Variants in GAREM1 observed in about 807,000 individuals in gnomAD.
GAREM1 encodes GRB2-associated and regulator of MAPK protein 1.
In GAREM1, 26 loss-of-function variants were observed where a neutral mutation model predicts 71.3. The ratio of observed to expected loss-of-function variants is 0.36; its 90% CI spans 0.27 to 0.51. GAREM1 has a LOEUF of 0.51. Ranked by LOEUF, GAREM1 falls within the 20% of genes least tolerant of loss-of-function variation. The pLI is 0.95. For missense variants in GAREM1, 1,026 were observed against 1,103.1 expected (o/e 0.93, Z 0.99); for synonymous variants, 440 against 433.2 (o/e 1.02, Z -0.20).
chr18:32,413,358 A>C lies in GAREM1; in HGVS notation c.122-20323T>G, dbSNP rs1336802577. ...CACATAAAACTTGAAAGAAACAAAG[A>C]CTCATACAAATGTCAATGCTGAAAA... On this transcript the variant is annotated intron_variant, in intron 1 of 5. Coordinates refer to ENST00000269209, the MANE Select transcript of GAREM1 (RefSeq NM_001242409.2). 8.9e-6 allele frequency: 6 copies of C among 677,418 alleles called. No individual in the cohort carries two copies. The East Asian group carries it at 1.1e-4, about 12-fold the overall frequency. The allele number at this position is 677,418 out of a possible 1,614,324, so 42.0% of individuals were successfully genotyped here. A position where few individuals can be genotyped will look rare whatever the true frequency, so the allele number is the denominator to read the frequency against.
At position 32,470,445 on chromosome 18, in the gene GAREM1, T is replaced by C. The variant is rs376317826; in HGVS notation, c.-17A>G. 2.2e-6 allele frequency: 3 copies of C among 1,357,482 alleles called. No homozygotes were observed. Among genetic ancestry groups the C allele is most frequent in the Admixed American group, 2.7e-5 (1 of 37,062 alleles). 84.1% of individuals were successfully genotyped at this position (1,357,482 alleles called of 1,614,324 possible). A position where few individuals can be genotyped will look rare whatever the true frequency, so the allele number is the denominator to read the frequency against. Reference sequence around the variant, plus strand: ...CGGGTCCATCTTCCCCGAAGCCTCCTGTCCCGCGCTCCCCCGCCGCCGCCA... The same window carrying C: ...CGGGTCCATCTTCCCCGAAGCCTCCCGTCCCGCGCTCCCCCGCCGCCGCCA... On this transcript the variant is annotated 5_prime_UTR_variant, in exon 1 of 6. Coordinates refer to ENST00000269209, the MANE Select transcript of GAREM1 (RefSeq NM_001242409.2). The surrounding 1 kb of genome is among the most constrained non-coding windows in gnomAD (Gnocchi z 4.4).
intron 1 of GAREM1, among the ~76,000 whole-genome samples, chr18:32,452,431 C>G (rs1487253307): frequency 6.6e-6 from 1 of 152,172 alleles, no homozygotes; most frequent in African/African-American, 2.4e-5. Flanking sequence ...CGTTCCAAAC[C>G]TTTGTCAGGC....
At chr18:32,410,959 C>T (rs1483923517) in intron 1 of GAREM1, among the ~76,000 whole-genome samples, 1 of 152,090 alleles carries the variant, frequency 6.6e-6, no homozygotes, top group African/African-American at 2.4e-5. Flanking sequence ...AGTGCCACCA[C>T]GCCCAGCTAA....
chr18:32,271,404 G>A (rs962711524), intron 4 of GAREM1, among the ~76,000 whole-genome samples: 2 of 152,090 alleles, frequency 1.3e-5, no homozygotes, highest in East Asian at 1.9e-4. Context: ...TGTTGGCCAG[G>A]CTGGTCTTGA....
intron 1 of GAREM1, among the ~76,000 whole-genome samples, chr18:32,453,647 C>A (rs1308103906): frequency 2.6e-5 from 4 of 152,152 alleles, no homozygotes; most frequent in Non-Finnish European, 5.9e-5. Flanking sequence ...TTAAAGCCCA[C>A]TCAGGTAATC....
chr18:32,314,284 T>TC (rs1460905240), intron 2 of GAREM1, among the ~76,000 whole-genome samples: 1 of 152,170 alleles, frequency 6.6e-6, no homozygotes, highest in Non-Finnish European at 1.5e-5. Context: ...GACACCCATG[T>TC]CTGCATACCA....
At chr18:32,406,227 A>G (rs1215669454) in intron 1 of GAREM1, among the ~76,000 whole-genome samples, 1 of 152,040 alleles carries the variant, frequency 6.6e-6, no homozygotes, top group East Asian at 1.9e-4. Context: ...ACGGGGTTTC[A>G]CCATGTTGCC....
rs1299948471 is a variant in GAREM1 at position 32,267,840 on chromosome 18, T to C, written c.*31A>G. The C allele has an allele frequency of 6.3e-7, 1 of 1,577,770 alleles. No individual in the cohort carries two copies. Among genetic ancestry groups the C allele is most frequent in the Non-Finnish European group, 8.6e-7 (1 of 1,156,752 alleles). ...CCCTTCTAGCACACGCATTGATCAG[T>C]TTTGTTCCATGCTGGCCGGGGGTTA... On this transcript the variant is annotated 3_prime_UTR_variant, in exon 6 of 6. Transcript: ENST00000269209.
Position 32,268,516 on chromosome 18 carries a change from C to G in GAREM1, c.1986G>C (p.Lys662Asn). 1 of 1,614,150 alleles carries G rather than the reference C, an allele frequency of 6.2e-7. No individual in the cohort carries two copies. Among genetic ancestry groups the G allele is most frequent in the African/African-American group, 1.3e-5 (1 of 75,032 alleles). The part of the protein sequence containing the change: ...YPRQKTPGTP[K>N]RNCPAPFDFD... ...AATCAAAAGGTGCTGGGCAGTTTCT[C>G]TTTGGTGTGCCTGGCGTCTTTTGTC... Residue 662 changes from lysine to asparagine, a missense_variant, in exon 6 of 6, where the codon AAG (lysine) becomes AAC (asparagine). By Grantham distance (94) the Lys-to-Asn change is moderately conservative (BLOSUM62 0). Around this residue, in one of 3 missense-constraint regions of GAREM1, gnomAD observed 636 missense variants for 631.2 expected, o/e 1.01. Coordinates refer to ENST00000269209, the MANE Select transcript of GAREM1 (RefSeq NM_001242409.2).
intron 1 of GAREM1, among the ~76,000 whole-genome samples, chr18:32,447,226 G>A (rs938029591): frequency 6.6e-6 from 1 of 151,946 alleles, no homozygotes; most frequent in African/African-American, 2.4e-5. Context: ...TCCATGTTTT[G>A]AGCCAAATTT....
chr18:32,439,591 T>C (rs564750230), intron 1 of GAREM1, among the ~76,000 whole-genome samples: 2 of 151,964 alleles, frequency 1.3e-5, no homozygotes, highest in Admixed American at 6.5e-5. Context: ...ACCAAAGATA[T>C]TGAGAAAACA....
chr18:32,272,244 T>C (rs2041473331), intron 4 of GAREM1, among the ~76,000 whole-genome samples: 1 of 152,192 alleles, frequency 6.6e-6, no homozygotes, highest in African/African-American at 2.4e-5. Flanking sequence ...AACCAGCCAT[T>C]AAGAAGACTC....
chr18:32,289,567 TG>T (rs1306940620), intron 3 of GAREM1, among the ~76,000 whole-genome samples: 2 of 152,236 alleles, frequency 1.3e-5, no homozygotes, highest in African/African-American at 2.4e-5. Context: ...CTATTAAAGT[TG>T]TTTTTTTTAA....
At chr18:32,377,226 A>G (rs1453149684) in intron 2 of GAREM1, among the ~76,000 whole-genome samples, 1 of 152,214 alleles carries the variant, frequency 6.6e-6, no homozygotes, top group Non-Finnish European at 1.5e-5. Context: ...AGAAATTAAA[A>G]TGTGAACCCT....
chr18:32,295,874 C>A (rs1047450109), intron 3 of GAREM1, among the ~76,000 whole-genome samples: 23 of 152,048 alleles, frequency 1.5e-4, no homozygotes, highest in Non-Finnish European at 2.8e-4. Flanking sequence ...ACTGTGTTTA[C>A]TTTTAGTACT....
At chr18:32,452,901 A>G (rs2048853306) in intron 1 of GAREM1, among the ~76,000 whole-genome samples, 1 of 151,522 alleles carries the variant, frequency 6.6e-6, no homozygotes, top group African/African-American at 2.4e-5. Flanking sequence ...ATAGGGTAGC[A>G]AAACTTATAT....
intron 1 of GAREM1, among the ~76,000 whole-genome samples, chr18:32,437,109 G>A (rs1041371064): frequency 1.3e-5 from 2 of 152,146 alleles, no homozygotes; most frequent in African/African-American, 4.8e-5. Context: ...TCATTAAAAT[G>A]ATGAAAGTGA....
At chr18:32,449,693 G>A (rs1328105641) in intron 1 of GAREM1, among the ~76,000 whole-genome samples, 1 of 152,138 alleles carries the variant, frequency 6.6e-6, no homozygotes. Flanking sequence ...GGCAGGCACG[G>A]TAGAAGTTTA....
rs968076951 is a variant in GAREM1, at chr18:32,265,095, A to G, written c.*2776T>C. ...TTTCTCCTTATTATCCCTGCTTTGC[A>G]TATCTTGTCATGATTCTCTTGGAGC... On this transcript the variant is annotated 3_prime_UTR_variant, in exon 6 of 6. Coordinates refer to ENST00000269209, the MANE Select transcript of GAREM1 (RefSeq NM_001242409.2). The G allele has an allele frequency of 2.0e-5, 3 of 152,216 alleles. No individual in the cohort carries two copies. Among genetic ancestry groups the G allele is most frequent in the African/African-American group, 7.2e-5 (3 of 41,446 alleles). The allele number at this position is 152,216 out of a possible 1,614,324, so 9.4% of individuals were successfully genotyped here.
Sources: gnomAD v4.1 joint callset for allele counts (sites outside exome capture counted in the v4.1 genomes callset) on GRCh38, gnomAD v4.1.1 for gene constraint, gnomAD v4.1.1 regional missense constraint, Gnocchi (gnomAD v3.1) non-coding constraint, MANE v1.5 for transcripts, NCBI Gene and HGNC (gene_info 2026-07-23, HGNC 2026-07-21) for gene names.